The following ALK variants were observed in gnomAD, a reference collection of about 807,000 sequenced individuals.
ALK encodes the protein ALK tyrosine kinase receptor.
A neutral mutation model predicts 163.1 loss-of-function variants in ALK; 74 were observed. That is an observed-to-expected ratio of 0.45 (90% CI 0.38 to 0.55). ALK has a LOEUF of 0.55. Ranked by LOEUF, ALK falls within the 20% of genes least tolerant of loss-of-function variation. The probability of loss-of-function intolerance (pLI) is 0.00; values close to 1 mark genes in which losing one functional copy is unlikely to be tolerated. For missense variants in ALK, 2,063 were observed against 2,105.3 expected, an observed-to-expected ratio of 0.98 and a Z score of 0.39; for synonymous variants, 960 against 843.2, an observed-to-expected ratio of 1.14 and a Z score of -2.40.
chr2:29,781,065 C>T (rs538172985), intron 1 of ALK, among the ~76,000 whole-genome samples: 2 of 152,188 alleles, frequency 1.3e-5, no homozygotes, highest in Non-Finnish European at 2.9e-5. Flanking sequence ...TGTCTGGAAG[C>T]TTCCAAGAAT....
At chr2:29,655,485 G>A (rs1352267542) in intron 3 of ALK, among the ~76,000 whole-genome samples, 3 of 152,158 alleles carry the variant, frequency 2.0e-5, no homozygotes, top group African/African-American at 7.2e-5. Flanking sequence ...CACTAACACT[G>A]AGGTTTCACT....
intron 1 of ALK, among the ~76,000 whole-genome samples, chr2:29,909,719 G>A (rs939533882): frequency 2.0e-5 from 3 of 152,172 alleles, no homozygotes; most frequent in African/African-American, 7.2e-5. Flanking sequence ...AAGAACCAGA[G>A]AGGAGAGACC....
At chr2:29,488,412 C>T (rs370083496) in intron 4 of ALK, among the ~76,000 whole-genome samples, 7 of 152,242 alleles carry the variant, frequency 4.6e-5, no homozygotes, top group Middle Eastern at 3.4e-3. Context: ...CTCTCCTAAA[C>T]GTCTAATTAA....
At chr2:29,279,672 T>G (rs1244251884) in intron 9 of ALK, among the ~76,000 whole-genome samples, 1 of 152,124 alleles carries the variant, frequency 6.6e-6, no homozygotes, top group Non-Finnish European at 1.5e-5. Flanking sequence ...ACCTGATAGG[T>G]GAAGAAGAGG....
rs545783538 is a variant in ALK, at chr2:29,712,611, A to G, written c.787+4967T>C. 2.8e-3 allele frequency among the ~76,000 whole-genome samples: 420 copies of G among 149,534 alleles called. 1 individual carries two copies. The highest frequency in any genetic ancestry group is 0.01 in the African/African-American group (399 of 39,232). ...TGTTTTCCATTTTTGATTCTGTGTTAGGCTGATTTTTTTTTTTTGAGAGAG... is the reference window on the plus strand; with the variant it reads ...TGTTTTCCATTTTTGATTCTGTGTTGGGCTGATTTTTTTTTTTTGAGAGAG... On this transcript the variant is annotated intron_variant, in intron 2 of 28. Coordinates refer to ENST00000389048, the MANE Select transcript of ALK (RefSeq NM_004304.5).
At chr2:29,546,007 T>C (rs773267608) in intron 3 of ALK, among the ~76,000 whole-genome samples, 1 of 152,194 alleles carries the variant, frequency 6.6e-6, no homozygotes, top group Non-Finnish European at 1.5e-5. Flanking sequence ...TATGCTCATG[T>C]GTGTGTGTAG....
At position 29,618,911 on chromosome 2, in the gene ALK, G is replaced by A. The variant is rs528648786; in HGVS notation, c.952+75939C>T. On this transcript the variant is annotated intron_variant, in intron 3 of 28. Transcript: ENST00000389048. Reference sequence around the variant, plus strand: ...AAAGAATCCCTTGAACCTGGGAGGCGGAGGTTGCAGTGAGCTGAGATTGCG... The same window carrying A: ...AAAGAATCCCTTGAACCTGGGAGGCAGAGGTTGCAGTGAGCTGAGATTGCG... 5.3e-5 allele frequency among the ~76,000 whole-genome samples: 8 copies of A among 152,216 alleles called. No homozygotes were observed. In the East Asian group the frequency reaches 7.7e-4, roughly 15 times the overall value.
rs530131882 is a variant in ALK, at chr2:29,733,138, T to C, written c.668-15441A>G. ...CCCAAGAGGAAGATACACAATTGGC[T>C]AGTGGGGCACTCTCCCTGAAAGCGG... On this transcript the variant is annotated intron_variant, in intron 1 of 28. Coordinates refer to ENST00000389048, the MANE Select transcript of ALK (RefSeq NM_004304.5). Among the ~76,000 whole-genome samples the C allele has an allele frequency of 2.0e-5, 3 of 152,256 alleles. No homozygotes were observed. In the East Asian group the frequency reaches 5.8e-4, roughly 29 times the overall value.
intron 4 of ALK, among the ~76,000 whole-genome samples, chr2:29,526,560 G>A (rs1333159617): frequency 6.6e-6 from 1 of 152,234 alleles, no homozygotes. Flanking sequence ...TGGGGGAAAA[G>A]AGAGAAGCTG....
chr2:29,813,341 G>A (rs1664805129), intron 1 of ALK, among the ~76,000 whole-genome samples: 1 of 152,154 alleles, frequency 6.6e-6, no homozygotes, highest in African/African-American at 2.4e-5. Flanking sequence ...TGGGCAGTAA[G>A]TGCCCAAGAA....
intron 13 of ALK, among the ~76,000 whole-genome samples, chr2:29,234,100 C>T (rs898789673): frequency 1.3e-5 from 2 of 151,362 alleles, no homozygotes; most frequent in Non-Finnish European, 2.9e-5. Context: ...GAGTGGGGTG[C>T]GTGGGGGAAA....
chr2:29,641,010 A>T (rs955835839), intron 3 of ALK, among the ~76,000 whole-genome samples: 1 of 152,182 alleles, frequency 6.6e-6, no homozygotes, highest in African/African-American at 2.4e-5. Flanking sequence ...GGGACATTCC[A>T]GAAGCTGAAA....
chr2:29,285,279 A>C (rs1665823485), intron 9 of ALK, among the ~76,000 whole-genome samples: 1 of 151,798 alleles, frequency 6.6e-6, no homozygotes, highest in African/African-American at 2.4e-5. Flanking sequence ...TTTTTGAGAC[A>C]GAGTCTAGCT....
chr2:29,702,981 G>C (rs1353059450), intron 2 of ALK, among the ~76,000 whole-genome samples: 2 of 152,194 alleles, frequency 1.3e-5, no homozygotes, highest in African/African-American at 2.4e-5. Flanking sequence ...GTGTTTCTTG[G>C]GTCTGATTGG....
intron 13 of ALK, among the ~76,000 whole-genome samples, chr2:29,238,107 G>T (rs1052217769): frequency 6.6e-6 from 1 of 152,206 alleles, no homozygotes; most frequent in African/African-American, 2.4e-5. Flanking sequence ...CTCCAGTGTG[G>T]CCGGGTACAT....
At chr2:29,605,127 G>A (rs748677767) in intron 3 of ALK, among the ~76,000 whole-genome samples, 8 of 152,190 alleles carry the variant, frequency 5.3e-5, no homozygotes, top group South Asian at 2.1e-4. Flanking sequence ...AACCGGTTTC[G>A]TGGAAGACAG....
intron 26 of ALK, 39 bp downstream of exon 26, chr2:29,207,132 A>AT: frequency 6.5e-7 from 1 of 1,541,838 alleles, no homozygotes; most frequent in Non-Finnish European, 9.0e-7. Context: ...GCACCACCTT[A>AT]TGGCTGCAGG....
intron 1 of ALK, among the ~76,000 whole-genome samples, chr2:29,720,898 A>T (rs1679402459): frequency 6.6e-6 from 1 of 152,158 alleles, no homozygotes; most frequent in South Asian, 2.1e-4. Flanking sequence ...AATGGGCCTC[A>T]TCAATGCAGA....
chr2:29,736,320 G>A (rs1204982152), intron 1 of ALK, among the ~76,000 whole-genome samples: 1 of 151,942 alleles, frequency 6.6e-6, no homozygotes, highest in Non-Finnish European at 1.5e-5. Flanking sequence ...GTCTGGTTAT[G>A]AGTCATTTAT....
Sources: allele counts gnomAD v4.1 joint callset (sites outside exome capture counted in the v4.1 genomes callset), GRCh38; gene constraint gnomAD v4.1.1; transcripts MANE v1.5; gene names NCBI Gene and HGNC (gene_info 2026-07-23, HGNC 2026-07-21).